AUTS2: variants seen among roughly 807,000 people sequenced by gnomAD.
AUTS2 encodes the protein activator of transcription and developmental regulator AUTS2, also known as autism susceptibility gene 2 protein.
AUTS2 carries 17 observed loss-of-function variants against 112.4 expected under a neutral mutation model. The observed-to-expected ratio is 0.15, with a 90% CI of 0.10 to 0.23. AUTS2 has a LOEUF of 0.23. Ranked by LOEUF, AUTS2 falls within the 10% of genes least tolerant of loss-of-function variation. The probability of loss-of-function intolerance (pLI) is 1.00; values close to 1 mark genes in which losing one functional copy is unlikely to be tolerated. For synonymous variants in AUTS2, 751 were observed against 702.7 expected (o/e 1.07, Z -1.09); for missense variants, 1,510 against 1,701.6 (o/e 0.89, Z 1.98).
chr7:69,807,295 A>G (rs914380435), intron 1 of AUTS2, among the ~76,000 whole-genome samples: 2 of 152,218 alleles, frequency 1.3e-5, no homozygotes, highest in African/African-American at 4.8e-5. Flanking sequence ...TATTAGTTAC[A>G]TATGGGGTAA....
chr7:70,206,210 A>C (rs1003139932), intron 4 of AUTS2, among the ~76,000 whole-genome samples: 1 of 152,148 alleles, frequency 6.6e-6, no homozygotes, highest in South Asian at 2.1e-4. Flanking sequence ...ACACTTTCTA[A>C]TAAGAGTTCC....
At chr7:69,608,451 A>C (rs1054006805) in intron 1 of AUTS2, among the ~76,000 whole-genome samples, 3 of 152,208 alleles carry the variant, frequency 2.0e-5, no homozygotes, top group African/African-American at 7.2e-5. Context: ...AAGAGATTAC[A>C]GTCCCATATT....
At chr7:70,313,971 T>C (rs1789878596) in intron 4 of AUTS2, among the ~76,000 whole-genome samples, 3 of 152,182 alleles carry the variant, frequency 2.0e-5, no homozygotes, top group Admixed American at 2.0e-4. Context: ...ACCTCTTACA[T>C]AGTAGGAGCG....
chr7:70,544,986 A>G (rs1800712290), intron 5 of AUTS2, among the ~76,000 whole-genome samples: 2 of 152,218 alleles, frequency 1.3e-5, no homozygotes, highest in South Asian at 2.1e-4. Context: ...GCAGGGACCC[A>G]GGGGACCTCA....
In AUTS2 at chr7:70,296,596, AAT is replaced by A. The variant is rs548901503; in HGVS notation, c.661-139153_661-139152del. Among the ~76,000 whole-genome samples, 295 of 152,328 alleles carry A rather than the reference AAT, an allele frequency of 1.9e-3. 2 individuals are homozygous for A. The highest frequency in any genetic ancestry group is 3.5e-3 in the Non-Finnish European group (237 of 68,034). On this transcript the variant is annotated intron_variant, in intron 4 of 18. Coordinates refer to ENST00000342771, the MANE Select transcript of AUTS2 (RefSeq NM_015570.4). ...TTTTTGAAAACATGATAATTAATGC[AAT>A]ATGTTATTTCAAAGTAAAAACTTTT...
At chr7:70,472,836 C>T (rs530485583) in intron 5 of AUTS2, among the ~76,000 whole-genome samples, 9 of 152,302 alleles carry the variant, frequency 5.9e-5, no homozygotes, top group Middle Eastern at 3.4e-3. Flanking sequence ...CCTTGTTTCA[C>T]GTTAAGTTTA....
chr7:70,462,729 A>C (rs1797015398), intron 5 of AUTS2, among the ~76,000 whole-genome samples: 1 of 152,008 alleles, frequency 6.6e-6, no homozygotes, highest in South Asian at 2.1e-4. Flanking sequence ...GGCCAAGGTG[A>C]GTGGATCATC....
chr7:70,570,170 C>T lies in AUTS2; in HGVS notation c.691-128399C>T, dbSNP rs558970627. On this transcript the variant is annotated intron_variant, in intron 5 of 18. Transcript: ENST00000342771. ...GCTCTGGCCATGACAGTAGGTTAGG[C>T]AGGTCTGGCCTAGAAAGAGGTAAGT... 3.9e-5 allele frequency among the ~76,000 whole-genome samples: 6 copies of T among 152,276 alleles called. No individual in the cohort carries two copies. In the East Asian group the frequency reaches 1.2e-3, roughly 29 times the overall value.
At chr7:69,866,803 C>G (rs913426995) in intron 1 of AUTS2, among the ~76,000 whole-genome samples, 1 of 152,114 alleles carries the variant, frequency 6.6e-6, no homozygotes, top group Admixed American at 6.5e-5. Context: ...TCCACCTTCC[C>G]GGGGATTTTC....
chr7:70,549,890 A>AAACAGAACC lies in AUTS2; in HGVS notation c.690+114109_690+114110insAACAGAACC, dbSNP rs1449702422. Among the ~76,000 whole-genome samples the AAACAGAACC allele has an allele frequency of 2.6e-5, 4 of 152,214 alleles. No homozygotes were observed. In the East Asian group the frequency reaches 7.7e-4, roughly 29 times the overall value. The stretch of plus-strand genomic sequence containing the variant: ...TAACCCACTGGAAGATCTCTGGTCT[A>AAACAGAACC]TACAGAACCTCATCTTCATGTCTAC... On this transcript the variant is annotated intron_variant, in intron 5 of 18. Coordinates refer to ENST00000342771, the MANE Select transcript of AUTS2 (RefSeq NM_015570.4).
intron 2 of AUTS2, among the ~76,000 whole-genome samples, chr7:69,957,854 C>T (rs977303940): frequency 6.6e-6 from 1 of 151,664 alleles, no homozygotes; most frequent in East Asian, 1.9e-4. Flanking sequence ...TCTCCCCTTT[C>T]TCCTGGCATA....
chr7:70,276,170 G>C (rs1226456273), intron 4 of AUTS2, among the ~76,000 whole-genome samples: 1 of 152,040 alleles, frequency 6.6e-6, no homozygotes, highest in Non-Finnish European at 1.5e-5. Context: ...ATAGTCACTA[G>C]AGATACAAAT....
chr7:70,487,205 C>T (rs1180805437), intron 5 of AUTS2, among the ~76,000 whole-genome samples: 1 of 151,980 alleles, frequency 6.6e-6, no homozygotes, highest in Non-Finnish European at 1.5e-5. Flanking sequence ...ACTCATCTAC[C>T]TCATCCTTCT....
At chr7:70,024,774 C>T (rs776168371) in intron 2 of AUTS2, among the ~76,000 whole-genome samples, 1 of 152,106 alleles carries the variant, frequency 6.6e-6, no homozygotes, top group Non-Finnish European at 1.5e-5. Flanking sequence ...AGTCTTGAGG[C>T]AAAATCTCTT....
chr7:70,607,181 T>C (rs1803826975), intron 5 of AUTS2, among the ~76,000 whole-genome samples: 1 of 151,682 alleles, frequency 6.6e-6, no homozygotes, highest in Non-Finnish European at 1.5e-5. Context: ...AAGGTGGGAG[T>C]GATTGGATTA....
chr7:70,657,374 T>C (rs1360658910), intron 5 of AUTS2, among the ~76,000 whole-genome samples: 1 of 152,214 alleles, frequency 6.6e-6, no homozygotes, highest in African/African-American at 2.4e-5. Context: ...CTCTCTGGAA[T>C]GCAAAACACA....
At chr7:70,195,070 A>G (rs1810102383) in intron 4 of AUTS2, among the ~76,000 whole-genome samples, 1 of 152,228 alleles carries the variant, frequency 6.6e-6, no homozygotes, top group African/African-American at 2.4e-5. Flanking sequence ...CAGAAACGCC[A>G]TCTTAAAATA....
intron 5 of AUTS2, among the ~76,000 whole-genome samples, chr7:70,563,170 C>G (rs1025098621): frequency 2.0e-5 from 3 of 152,140 alleles, no homozygotes; most frequent in African/African-American, 7.2e-5. Context: ...TACTCTCAGG[C>G]AGTGGTAGGA....
chr7:70,251,780 G>T (rs967126008), intron 4 of AUTS2, among the ~76,000 whole-genome samples: 3 of 151,820 alleles, frequency 2.0e-5, no homozygotes, highest in African/African-American at 7.3e-5. Flanking sequence ...TATAGTTTTT[G>T]TTTTTATAAT....
Sources: gnomAD v4.1 joint callset for allele counts (sites outside exome capture counted in the v4.1 genomes callset) on GRCh38, gnomAD v4.1.1 for gene constraint, MANE v1.5 for transcripts, NCBI Gene and HGNC (gene_info 2026-07-23, HGNC 2026-07-21) for gene names.